Variants in CALD1 observed in about 807,000 individuals in gnomAD.
CALD1 encodes the protein caldesmon.
In CALD1, 33 loss-of-function variants were observed where a neutral mutation model predicts 99.9. That is an observed-to-expected ratio of 0.33 (90% CI 0.25 to 0.44). The LOEUF is 0.44. Ranked by LOEUF, CALD1 falls within the 20% of genes least tolerant of loss-of-function variation. The pLI is 1.00. For missense variants in CALD1, 861 were observed against 962.1 expected (o/e 0.89, Z 1.39); for synonymous variants, 310 against 325.0 (o/e 0.95, Z 0.50).
chr7:134,735,777 C>T, the CALD1 span, among the ~76,000 whole-genome samples: 2 of 152,160 alleles, frequency 1.3e-5, no homozygotes, highest in African/African-American at 4.8e-5. Flanking sequence ...AATGTTGTGG[C>T]TACCTGGGAT....
At chr7:134,760,125 G>A (rs1796763509) in intron 1 of CALD1, among the ~76,000 whole-genome samples, 2 of 152,214 alleles carry the variant, frequency 1.3e-5, no homozygotes, top group Non-Finnish European at 2.9e-5. Context: ...TCTGGCTAGA[G>A]CAAAGGGAGA....
chr7:134,862,853 G>C (rs538315826), intron 2 of CALD1, among the ~76,000 whole-genome samples: 1 of 152,298 alleles, frequency 6.6e-6, no homozygotes, highest in South Asian at 2.1e-4. Flanking sequence ...TATAATAACA[G>C]TAATTTCTTG....
At chr7:134,837,049 AT>A (rs1387510708) in intron 1 of CALD1, among the ~76,000 whole-genome samples, 12 of 151,772 alleles carry the variant, frequency 7.9e-5, no homozygotes, top group Non-Finnish European at 1.2e-4. Context: ...TTTTTTCATA[AT>A]TTTACCATAT....
intron 3 of CALD1, chr7:134,920,839 T>A: frequency 2.2e-6 from 1 of 453,518 alleles, no homozygotes; most frequent in Non-Finnish European, 3.9e-6. Context: ...TATAGGAATG[T>A]GCAGAAACAA....
intron 2 of CALD1, among the ~76,000 whole-genome samples, chr7:134,855,988 GATGGT>G (rs1447058211): frequency 6.6e-6 from 1 of 152,318 alleles, no homozygotes; most frequent in East Asian, 1.9e-4. Context: ...CTGCTTCTTA[GATGGT>G]ATTCTAATCC....
chr7:134,935,077 GA>G, intron 5 of CALD1, among the ~76,000 whole-genome samples: 1 of 152,204 alleles, frequency 6.6e-6, no homozygotes, highest in South Asian at 2.1e-4. Flanking sequence ...ATTTATATTT[GA>G]CTGGTAATTA....
chr7:134,787,200 T>C (rs1797339981), intron 1 of CALD1, among the ~76,000 whole-genome samples: 1 of 152,218 alleles, frequency 6.6e-6, no homozygotes, highest in Admixed American at 6.5e-5. Flanking sequence ...TTGCTTTTTT[T>C]TCAGTTTAAG....
intron 1 of CALD1, among the ~76,000 whole-genome samples, chr7:134,830,008 T>C (rs1799154932): frequency 6.6e-6 from 1 of 151,952 alleles, no homozygotes; most frequent in Non-Finnish European, 1.5e-5. Flanking sequence ...TAAATATTGG[T>C]GTCATTTGCT....
chr7:134,884,825 C>A (rs1718899986), intron 3 of CALD1, among the ~76,000 whole-genome samples: 1 of 152,086 alleles, frequency 6.6e-6, no homozygotes, highest in Non-Finnish European at 1.5e-5. Flanking sequence ...AGGAAATACC[C>A]CTTCCAGCAA....
At chr7:134,831,924 G>C (rs1459957500) in intron 1 of CALD1, among the ~76,000 whole-genome samples, 1 of 152,208 alleles carries the variant, frequency 6.6e-6, no homozygotes, top group African/African-American at 2.4e-5. Context: ...GAACAGGAAA[G>C]AAAGGCGCGC....
chr7:134,909,724 C>T (rs1419278599), intron 3 of CALD1, among the ~76,000 whole-genome samples: 1 of 152,080 alleles, frequency 6.6e-6, no homozygotes, highest in Admixed American at 6.5e-5. Flanking sequence ...GAAGTGCAGA[C>T]TGAGCTGGGA....
At chr7:134,860,946 A>C (rs1800536628) in intron 2 of CALD1, among the ~76,000 whole-genome samples, 1 of 152,226 alleles carries the variant, frequency 6.6e-6, no homozygotes, top group Admixed American at 6.5e-5. Flanking sequence ...TGTAAGACAT[A>C]TTTGAGAGGT....
intron 3 of CALD1, among the ~76,000 whole-genome samples, chr7:134,911,224 A>G (rs1481895023): frequency 2.1e-5 from 3 of 143,334 alleles, no homozygotes; most frequent in Non-Finnish European, 4.5e-5. Flanking sequence ...TTTTTGGTGA[A>G]TGATCAGGCT....
the CALD1 span, among the ~76,000 whole-genome samples, chr7:134,723,756 T>C: frequency 1.3e-5 from 2 of 152,126 alleles, no homozygotes; most frequent in Non-Finnish European, 2.9e-5. Context: ...CGGATGCTAC[T>C]GAATGTTCCA....
chr7:134,892,161 A>G (rs1489539065), intron 3 of CALD1, among the ~76,000 whole-genome samples: 1 of 152,200 alleles, frequency 6.6e-6, no homozygotes, highest in Non-Finnish European at 1.5e-5. Flanking sequence ...CCCAGAGCAT[A>G]TGCTATTGAT....
intron 2 of CALD1, among the ~76,000 whole-genome samples, chr7:134,862,839 G>A: frequency 6.6e-6 from 1 of 152,154 alleles, no homozygotes; most frequent in East Asian, 1.9e-4. Context: ...CACACTAGTT[G>A]GTCTATAATA....
In CALD1 at chr7:134,790,082, GGAGAGAGAGA is replaced by G. The variant is rs56962467; in HGVS notation, c.-130+10348_-130+10357del. 7.7e-5 allele frequency among the ~76,000 whole-genome samples: 11 copies of G among 142,316 alleles called. No individual in the cohort carries two copies. The South Asian group carries it at 2.6e-3, about 34-fold the overall frequency. The allele number at this position is 142,316 out of a possible 152,430, so 93.4% of individuals were successfully genotyped here. ...GAGAGGAAAAGAGAAAAAGAAATAA[GGAGAGAGAGA>G]GAGAGAGAGAGAGAAAGGAGAGGAC... On this transcript the variant is annotated intron_variant, in intron 1 of 14. Coordinates refer to ENST00000361675, the MANE Select transcript of CALD1 (RefSeq NM_033138.4).
At chr7:134,721,617 A>C in the CALD1 span, among the ~76,000 whole-genome samples, 2 of 151,580 alleles carry the variant, frequency 1.3e-5, no homozygotes. Context: ...TGAAGGGTGG[A>C]TGTGGTTTAG....
intron 3 of CALD1, among the ~76,000 whole-genome samples, chr7:134,899,430 T>C (rs1169540327): frequency 6.6e-6 from 1 of 152,158 alleles, no homozygotes; most frequent in Admixed American, 6.5e-5. Context: ...GTTGAACTCC[T>C]GACCTCAGGT....
Sources: allele counts gnomAD v4.1 joint callset (sites outside exome capture counted in the v4.1 genomes callset), GRCh38; gene constraint gnomAD v4.1.1; transcripts MANE v1.5; gene names NCBI Gene and HGNC (gene_info 2026-07-23, HGNC 2026-07-21).